Variants in PRICKLE1 observed in about 807,000 individuals in gnomAD.
PRICKLE1 encodes prickle-like protein 1.
Under a neutral mutation model 70.2 loss-of-function variants are expected in PRICKLE1, and 14 were observed. The observed-to-expected ratio is 0.20, with a 90% CI of 0.13 to 0.31. PRICKLE1 has a LOEUF of 0.31. Among genes scored for constraint, PRICKLE1 ranks in the 10% least tolerant of loss-of-function variants. The pLI, the probability that PRICKLE1 is intolerant of heterozygous loss-of-function variation, is 1.00. For synonymous variants in PRICKLE1, 357 were observed against 379.9 expected (o/e 0.94, Z 0.70); for missense variants, 821 against 1,026.2 (o/e 0.80, Z 2.73).
At chr12:42,568,922 A>T (rs1362162789) in intron 1 of PRICKLE1, among the ~76,000 whole-genome samples, 1 of 152,190 alleles carries the variant, frequency 6.6e-6, no homozygotes, top group Non-Finnish European at 1.5e-5. Context: ...ACAAAAAAAA[A>T]TCCATAATCC....
chr12:42,507,771 C>T (rs532380155), intron 1 of PRICKLE1, among the ~76,000 whole-genome samples: 1 of 152,186 alleles, frequency 6.6e-6, no homozygotes, highest in Non-Finnish European at 1.5e-5. Flanking sequence ...TGCAGAGAAA[C>T]AGAAGATGAC....
chr12:42,539,653 T>C (rs1940075492), intron 1 of PRICKLE1, among the ~76,000 whole-genome samples: 1 of 152,214 alleles, frequency 6.6e-6, no homozygotes, highest in Non-Finnish European at 1.5e-5. Flanking sequence ...ATCTCAGCAA[T>C]CACTATTTGT....
intron 1 of PRICKLE1, among the ~76,000 whole-genome samples, chr12:42,502,710 CG>C (rs1469195816): frequency 6.6e-6 from 1 of 152,146 alleles, no homozygotes; most frequent in Non-Finnish European, 1.5e-5. Context: ...AGAGCAGACG[CG>C]GGAAAGGGCC....
At chr12:42,490,275 A>G (rs1305726772) in intron 1 of PRICKLE1, among the ~76,000 whole-genome samples, 1 of 152,152 alleles carries the variant, frequency 6.6e-6, no homozygotes, top group Non-Finnish European at 1.5e-5. Context: ...ATTTGATCAG[A>G]GTGATGAATG....
intron 1 of PRICKLE1, among the ~76,000 whole-genome samples, chr12:42,497,389 C>CA (rs555412945): frequency 3.4e-3 from 511 of 151,788 alleles, no homozygotes; most frequent in Middle Eastern, 0.014. Context: ...ACTAAAAATA[C>CA]AAAAACAAAA....
At chr12:42,583,830 A>G (rs966899932) in intron 1 of PRICKLE1, among the ~76,000 whole-genome samples, 32 of 152,140 alleles carry the variant, frequency 2.1e-4, no homozygotes, top group Non-Finnish European at 4.4e-4. Flanking sequence ...AAACACCTTC[A>G]TTAGGACCAT....
At chr12:42,578,299 G>A (rs1197542782) in intron 1 of PRICKLE1, among the ~76,000 whole-genome samples, 1 of 152,184 alleles carries the variant, frequency 6.6e-6, no homozygotes, top group Non-Finnish European at 1.5e-5. Flanking sequence ...TAAATCAGGA[G>A]ATTGTTTGAG....
At chr12:42,533,258 T>C (rs538403987) in intron 1 of PRICKLE1, among the ~76,000 whole-genome samples, 1 of 152,096 alleles carries the variant, frequency 6.6e-6, no homozygotes, top group South Asian at 2.1e-4. Flanking sequence ...AATAAATCTA[T>C]ATTATTGTGA....
At chr12:42,475,681 C>G (rs1200213627) in intron 1 of PRICKLE1, among the ~76,000 whole-genome samples, 1 of 152,150 alleles carries the variant, frequency 6.6e-6, no homozygotes, top group Non-Finnish European at 1.5e-5. Flanking sequence ...GCCTCATGAG[C>G]ACTTGGTTCA....
intron 1 of PRICKLE1, among the ~76,000 whole-genome samples, chr12:42,562,824 C>CCAGT (rs1373536301): frequency 6.6e-6 from 1 of 151,940 alleles, no homozygotes; most frequent in Non-Finnish European, 1.5e-5. Flanking sequence ...TTATTACTGC[C>CCAGT]CAGAAACACT....
At chr12:42,469,896 C>T in intron 3 of PRICKLE1, 1 of 497,968 alleles carries the variant, frequency 2.0e-6, no homozygotes, top group Non-Finnish European at 3.6e-6. Context: ...TTAATTGCCA[C>T]TTTTACTCTC....
chr12:42,516,483 T>C (rs1456516734), intron 1 of PRICKLE1, among the ~76,000 whole-genome samples: 1 of 152,198 alleles, frequency 6.6e-6, no homozygotes, highest in Non-Finnish European at 1.5e-5. Context: ...TGAAGGTTCC[T>C]TTTTTGTAGC....
At chr12:42,552,310 C>T (rs964298367) in intron 1 of PRICKLE1, among the ~76,000 whole-genome samples, 1 of 152,158 alleles carries the variant, frequency 6.6e-6, no homozygotes, top group Non-Finnish European at 1.5e-5. Context: ...TCAAGCAATC[C>T]TCCCACCTTG....
chr12:42,539,961 G>A (rs1940081656), intron 1 of PRICKLE1, among the ~76,000 whole-genome samples: 1 of 152,136 alleles, frequency 6.6e-6, no homozygotes. Flanking sequence ...CTCTCCCAGT[G>A]GGCATTCTAG....
chr12:42,561,108 C>T (rs975173094), intron 1 of PRICKLE1, among the ~76,000 whole-genome samples: 10 of 152,148 alleles, frequency 6.6e-5, no homozygotes, highest in African/African-American at 2.2e-4. Context: ...GGTTAGACTT[C>T]AACAAACCAA....
rs986428770 is a variant in PRICKLE1 at position 42,571,410 on chromosome 12, T to C, written c.-49+18055A>G. Among the ~76,000 whole-genome samples the C allele has an allele frequency of 2.0e-5, 3 of 152,172 alleles. 1 individual carries two copies. In the South Asian group the frequency reaches 6.2e-4, roughly 31 times the overall value. Reference sequence around the variant, plus strand: ...AAAAAGAAGCTAAAAACCAAAATAATTGAAACCAGCCTACAGAAGGGTGAC... The same window carrying C: ...AAAAAGAAGCTAAAAACCAAAATAACTGAAACCAGCCTACAGAAGGGTGAC... On this transcript the variant is annotated intron_variant, in intron 1 of 7. Coordinates refer to ENST00000345127, the MANE Select transcript of PRICKLE1 (RefSeq NM_153026.3).
chr12:42,519,832 G>A (rs1302432205), intron 1 of PRICKLE1, among the ~76,000 whole-genome samples: 1 of 152,124 alleles, frequency 6.6e-6, no homozygotes, highest in Non-Finnish European at 1.5e-5. Context: ...GTTAGAGATG[G>A]GGTCTCATTC....
chr12:42,466,133 G>A, intron 6 of PRICKLE1, 61 bp downstream of exon 6: 1 of 1,556,114 alleles, frequency 6.4e-7, no homozygotes, highest in Non-Finnish European at 8.9e-7. Flanking sequence ...AAATAAGACT[G>A]GATAATCCAA....
At chr12:42,573,593 A>G (rs2120763911) in intron 1 of PRICKLE1, among the ~76,000 whole-genome samples, 1 of 152,248 alleles carries the variant, frequency 6.6e-6, no homozygotes, top group South Asian at 2.1e-4. Context: ...ATTTTGGGAC[A>G]GGGTCTCACT....
Sources: gnomAD v4.1 joint callset for allele counts (sites outside exome capture counted in the v4.1 genomes callset) on GRCh38, gnomAD v4.1.1 for gene constraint, MANE v1.5 for transcripts, NCBI Gene and HGNC (gene_info 2026-07-23, HGNC 2026-07-21) for gene names.